Variants in NKAIN3 observed in about 807,000 individuals in gnomAD.
The protein encoded by NKAIN3 is sodium/potassium transporting ATPase interacting 3, also known as sodium/potassium-transporting ATPase subunit beta-1-interacting protein 3.
NKAIN3 carries 25 observed loss-of-function variants against 30.2 expected under a neutral mutation model. The ratio of observed to expected loss-of-function variants is 0.83; its 90% CI spans 0.60 to 1.16. The LOEUF is 1.16. Ranked by LOEUF, NKAIN3 falls within the 50% of genes most tolerant of loss-of-function variation. NKAIN3 has a pLI of 0.00. For synonymous variants in NKAIN3, 91 were observed against 89.6 expected (o/e 1.02, Z -0.09); for missense variants, 225 against 254.1 (o/e 0.89, Z 0.78).
At chr8:62,318,879 T>C (rs1814763879) in intron 1 of NKAIN3, among the ~76,000 whole-genome samples, 2 of 152,290 alleles carry the variant, frequency 1.3e-5, no homozygotes, top group South Asian at 4.1e-4. Context: ...CCTCTTTTTC[T>C]ATTGATTGGA....
chr8:62,910,073 A>G (rs1297875620), intron 4 of NKAIN3, among the ~76,000 whole-genome samples: 2 of 152,164 alleles, frequency 1.3e-5, no homozygotes, highest in Non-Finnish European at 2.9e-5. Flanking sequence ...GGGAGACATA[A>G]CATGCTTCCA....
chr8:62,422,136 T>C lies in NKAIN3; in HGVS notation c.55-157403T>C, dbSNP rs139678980. Among the ~76,000 whole-genome samples, 1,410 of 152,238 alleles carry C rather than the reference T, an allele frequency of 9.3e-3. 19 individuals carry two copies. The highest frequency in any genetic ancestry group is 0.03 in the African/African-American group (1,248 of 41,544). On this transcript the variant is annotated intron_variant, in intron 1 of 6. Transcript: ENST00000623646. ...GTTATTTTGTTTGGGGTAAAATAAC[T>C]TTTTTATTTTATGACAATTAGTAAA...
intron 4 of NKAIN3, among the ~76,000 whole-genome samples, chr8:62,916,875 G>T (rs1822121614): frequency 6.6e-6 from 1 of 152,116 alleles, no homozygotes; most frequent in African/African-American, 2.4e-5. Context: ...CTCTCTGAGT[G>T]TGACAGCTCC....
At chr8:62,871,567 C>A (rs952343032) in intron 4 of NKAIN3, among the ~76,000 whole-genome samples, 1 of 152,196 alleles carries the variant, frequency 6.6e-6, no homozygotes, top group Non-Finnish European at 1.5e-5. Context: ...TACATTAGGT[C>A]TCCAGAACTT....
chr8:62,368,056 A>G (rs566569661), intron 1 of NKAIN3, among the ~76,000 whole-genome samples: 2 of 152,290 alleles, frequency 1.3e-5, no homozygotes, highest in South Asian at 2.1e-4. Flanking sequence ...CAGCAACACT[A>G]TGAAAGAACT....
At chr8:62,998,086 T>C (rs1804162359) in intron 5 of NKAIN3, among the ~76,000 whole-genome samples, 1 of 152,216 alleles carries the variant, frequency 6.6e-6, no homozygotes, top group Admixed American at 6.5e-5. Flanking sequence ...ACTCATTTGC[T>C]GTTTGTGCTC....
At chr8:62,459,335 G>T (rs1585832125) in intron 1 of NKAIN3, among the ~76,000 whole-genome samples, 1 of 152,150 alleles carries the variant, frequency 6.6e-6, no homozygotes, top group African/African-American at 2.4e-5. Context: ...CCTTGTCAGG[G>T]CTGCTGAAAT....
chr8:62,469,395 A>G (rs751379577), intron 1 of NKAIN3, among the ~76,000 whole-genome samples: 3 of 152,186 alleles, frequency 2.0e-5, no homozygotes, highest in Non-Finnish European at 4.4e-5. Flanking sequence ...GTCACAAAGC[A>G]AGTCAATGAT....
chr8:62,659,963 C>T (rs530668689), intron 3 of NKAIN3, among the ~76,000 whole-genome samples: 5 of 152,310 alleles, frequency 3.3e-5, no homozygotes, highest in South Asian at 2.1e-4. Flanking sequence ...GCCTCCCAAG[C>T]CATGTGCAAT....
At chr8:62,486,950 G>A (rs532997494) in intron 1 of NKAIN3, among the ~76,000 whole-genome samples, 3 of 152,210 alleles carry the variant, frequency 2.0e-5, no homozygotes, top group South Asian at 2.1e-4. Flanking sequence ...AAGCAAGCAC[G>A]CCCACAAAAA....
intron 3 of NKAIN3, among the ~76,000 whole-genome samples, chr8:62,614,723 A>G (rs1257352930): frequency 6.6e-6 from 1 of 152,134 alleles, no homozygotes. Flanking sequence ...CACAAGATAT[A>G]GTTCTTCCCA....
At chr8:62,721,965 A>G (rs1368837636) in intron 3 of NKAIN3, among the ~76,000 whole-genome samples, 1 of 152,184 alleles carries the variant, frequency 6.6e-6, no homozygotes, top group Non-Finnish European at 1.5e-5. Flanking sequence ...GAGTTGTTTC[A>G]TGGCTAGAGA....
chr8:62,298,160 C>G (rs927027451), intron 1 of NKAIN3, among the ~76,000 whole-genome samples: 1 of 115,464 alleles, frequency 8.7e-6, no homozygotes, highest in African/African-American at 3.6e-5. Flanking sequence ...ACATCACACT[C>G]TGGAGACTGT....
chr8:62,976,286 T>C lies in NKAIN3; in HGVS notation c.*10879T>C, dbSNP rs1436344635. ...TCTGTCTAATACACACAATGGAGTG[T>C]TAAAGTCTCCCACTATTATTGTGTG... On this transcript the variant is annotated 3_prime_UTR_variant, in exon 7 of 7. Coordinates refer to ENST00000623646, the MANE Select transcript of NKAIN3 (RefSeq NM_001304533.3). 6.6e-6 allele frequency among the ~76,000 whole-genome samples: 1 copy of C among 152,160 alleles called. No individual in the cohort carries two copies. The highest frequency in any genetic ancestry group is 2.4e-5 in the African/African-American group (1 of 41,452).
chr8:62,936,185 C>T (rs1003567603), intron 5 of NKAIN3, among the ~76,000 whole-genome samples: 3 of 152,130 alleles, frequency 2.0e-5, no homozygotes, highest in South Asian at 2.1e-4. Flanking sequence ...TTCGTGATTT[C>T]GCAGCTACAT....
intron 1 of NKAIN3, among the ~76,000 whole-genome samples, chr8:62,302,512 T>C (rs958089316): frequency 6.6e-6 from 1 of 152,064 alleles, no homozygotes; most frequent in African/African-American, 2.4e-5. Flanking sequence ...ATTTAAAATA[T>C]CATTTTAGCT....
intron 4 of NKAIN3, among the ~76,000 whole-genome samples, chr8:62,886,175 G>A (rs941445791): frequency 7.3e-5 from 11 of 149,864 alleles, no homozygotes; most frequent in African/African-American, 2.7e-4. Context: ...TTTTTTTAGT[G>A]ATTGCCCTAG....
At chr8:62,614,509 T>C (rs1232662573) in intron 3 of NKAIN3, among the ~76,000 whole-genome samples, 5 of 152,124 alleles carry the variant, frequency 3.3e-5, no homozygotes, top group Admixed American at 3.3e-4. Context: ...CCCTGGCTAC[T>C]GCCTATGTTT....
At chr8:62,407,401 G>GTTTTTT (rs10660478) in intron 1 of NKAIN3, among the ~76,000 whole-genome samples, 3 of 118,646 alleles carry the variant, frequency 2.5e-5, no homozygotes, top group African/African-American at 1.0e-4. Context: ...CTAGATAGTT[G>GTTTTTT]TTTTTTTTTT....
Sources: allele counts gnomAD v4.1 joint callset (sites outside exome capture counted in the v4.1 genomes callset), GRCh38; gene constraint gnomAD v4.1.1; transcripts MANE v1.5; gene names NCBI Gene and HGNC (gene_info 2026-07-23, HGNC 2026-07-21).